Variants in TROAP observed in about 807,000 individuals in gnomAD.
The protein encoded by TROAP is trophinin associated protein, also known as tastin.
TROAP carries 62 observed loss-of-function variants against 83.4 expected under a neutral mutation model. The observed-to-expected ratio is 0.74, with a 90% CI of 0.61 to 0.92. The LOEUF is 0.92. TROAP is among the 40% of genes least tolerant of loss of function. The pLI is 0.00. For synonymous variants in TROAP, 352 were observed against 386.4 expected (o/e 0.91, Z 1.04); for missense variants, 876 against 985.1 (o/e 0.89, Z 1.48).
In TROAP at chr12:49,329,854, C is replaced by T. The variant is rs1943551500; in HGVS notation, c.1165-3C>T. 6.8e-6 allele frequency: 11 copies of T among 1,613,548 alleles called. No homozygotes were observed. Among genetic ancestry groups the T allele is most frequent in the Non-Finnish European group, 8.5e-6 (10 of 1,179,732 alleles). On this transcript the variant is annotated splice_region_variant and splice_polypyrimidine_tract_variant and intron_variant, in intron 11 of 14. Coordinates refer to ENST00000257909, the MANE Select transcript of TROAP (RefSeq NM_005480.4). The surrounding 1 kb of genome is among the most constrained non-coding windows in gnomAD (Gnocchi z 4.5). The stretch of plus-strand genomic sequence containing the variant: ...GCTTGTGTGCCTTGTTCCTTGGTGA[C>T]AGGAGCAGGTTGCCGTCCGGTTGTT...
rs1369621731 is a variant in TROAP at position 49,331,343 on chromosome 12, C to T, written c.2228C>T (p.Pro743Leu). 5 of 1,614,112 alleles carry T rather than the reference C, an allele frequency of 3.1e-6. No homozygotes were observed. The African/African-American group carries it at 5.3e-5, about 17-fold the overall frequency. ...GCCTTTTACACCAGCCGAGCCCCTC[C>T]CTCAGGCCCCACCCGGGTCTGCACC... Reference protein sequence around the residue: ...ECAFYTSRAPPSGPTRVCTNP... With the variant: ...ECAFYTSRAPLSGPTRVCTNP... Residue 743 changes from proline to leucine, a missense_variant, in exon 14 of 15, where the codon CCC (proline) becomes CTC (leucine). This residue lies in a region of TROAP where 184 missense variants were observed against 238.3 expected (regional missense o/e 0.77). Transcript: ENST00000257909.
rs756247742 is a variant in TROAP, at chr12:49,323,882, C to A, written c.182C>A (p.Pro61His). Reference sequence around the variant, plus strand: ...AAACCACCGCTCAATATTCAACGCCCCCTCGTTGATTCAGCAGGCCCCAGG... The same window carrying A: ...AAACCACCGCTCAATATTCAACGCCACCTCGTTGATTCAGCAGGCCCCAGG... ...VQKPPLNIQR[P>H]LVDSAGPRPK... The change falls in exon 3 of 15, where the codon CCC (proline) becomes CAC (histidine). Residue 61 changes from proline (P) to histidine (H), a missense_variant. Physicochemically the swap from Pro to His is moderately conservative, Grantham distance 77 (BLOSUM62 -2). Around this residue, in one of 3 missense-constraint regions of TROAP, gnomAD observed 689 missense variants for 722.6 expected, o/e 0.95. Transcript: ENST00000257909. The A allele has an allele frequency of 2.7e-5, 44 of 1,614,064 alleles. No individual in the cohort carries two copies. In the East Asian group the frequency reaches 9.1e-4, roughly 34 times the overall value.
At chr12:49,323,501 T>A (rs557300037) in intron 1 of TROAP, 103 bp from the exon 2 acceptor site, 31 of 1,476,662 alleles carry the variant, frequency 2.1e-5, no homozygotes, top group Non-Finnish European at 2.7e-5. Flanking sequence ...TGTGGGCGCG[T>A]GGATTAGGGC....
At position 49,323,286 on chromosome 12, in the gene TROAP, A is replaced by G. The variant is rs1338347173; in HGVS notation, c.-69A>G. On this transcript the variant is annotated 5_prime_UTR_variant, in exon 1 of 15. Coordinates refer to ENST00000257909, the MANE Select transcript of TROAP (RefSeq NM_005480.4). ...TACAAACTGAGAAAGTAGCTCCAGC[A>G]GCACCCGAGAGGGTCAGGAGAAAAG... 7.2e-6 allele frequency: 2 copies of G among 276,984 alleles called. No homozygotes were observed. The highest frequency in any genetic ancestry group is 4.9e-5 in the Admixed American group (1 of 20,552). The allele number at this position is 276,984 out of a possible 1,614,324, so 17.2% of individuals were successfully genotyped here. A position where few individuals can be genotyped will look rare whatever the true frequency, so the allele number is the denominator to read the frequency against.
Position 49,330,518 on chromosome 12 carries a change from C to A in TROAP, c.1673C>A (p.Ser558Tyr), listed in dbSNP as rs995308195. 6 of 1,613,504 alleles carry A rather than the reference C, an allele frequency of 3.7e-6. No homozygotes were observed. In the African/African-American group the frequency reaches 8.0e-5, roughly 22 times the overall value. Residue 558 changes from serine to tyrosine, a missense_variant, in exon 13 of 15, where the codon TCC becomes TAC. This residue lies in a region of TROAP where 689 missense variants were observed against 722.6 expected (regional missense o/e 0.95). Transcript: ENST00000257909. The part of the protein sequence containing the change: ...YPPAEPRPLE[S>Y]CCRSEPEIPE... ...CCAGCAGAACCCAGGCCCCTAGAGTCCTGCTGTAGGAGTGAGCCTGAGATA... is the reference window on the plus strand; with the variant it reads ...CCAGCAGAACCCAGGCCCCTAGAGTACTGCTGTAGGAGTGAGCCTGAGATA...
chr12:49,330,358 C>G lies in TROAP; in HGVS notation c.1513C>G (p.Leu505Val). ...ACACTCAGGGCTGCCAAAGCCCTGT[C>G]TTCCAGAGGAGTGCGGGGAACCACA... is the stretch of plus-strand genomic sequence containing the variant. Reference protein sequence around the residue: ...LKHSGLPKPCLPEECGEPQPC... With the variant: ...LKHSGLPKPCVPEECGEPQPC... Residue 505 changes from leucine (L) to valine (V), a missense_variant, in exon 13 of 15, where the codon CTT becomes GTT. Physicochemically the swap from Leu to Val is conservative, Grantham distance 32. This residue lies in a region of TROAP where 689 missense variants were observed against 722.6 expected (regional missense o/e 0.95). Coordinates refer to ENST00000257909, the MANE Select transcript of TROAP (RefSeq NM_005480.4). The G allele has an allele frequency of 3.1e-6, 5 of 1,614,194 alleles. No homozygotes were observed. Among genetic ancestry groups the G allele is most frequent in the Non-Finnish European group, 4.2e-6 (5 of 1,180,012 alleles).
Position 49,330,298 on chromosome 12 carries a change from A to C in TROAP, c.1453A>C (p.Asn485His), listed in dbSNP as rs1380513824. ...ISRTLNATEH[N>H]SGTSHLPGLL... ...TAGAACTCTGAATGCCACAGAGCAT[A>C]ACTCTGGGACTTCCCACCTTCCTGG... Residue 485 changes from asparagine to histidine, a missense_variant, in exon 13 of 15, where the codon AAC becomes CAC. Physicochemically the swap from Asn to His is moderately conservative, Grantham distance 68. Coordinates refer to ENST00000257909, the MANE Select transcript of TROAP (RefSeq NM_005480.4). The C allele has an allele frequency of 1.2e-5, 20 of 1,611,914 alleles. No individual in the cohort carries two copies. The highest frequency in any genetic ancestry group is 1.6e-5 in the Non-Finnish European group (19 of 1,179,992).
rs1230874935 is a variant in TROAP at position 49,326,151 on chromosome 12, A to C, written c.709A>C (p.Ser237Arg). Residue 237 changes from serine to arginine, a missense_variant, in exon 6 of 15, where the codon AGC (serine) becomes CGC (arginine). Transcript: ENST00000257909. ...GGAGCTAAGAAGGGAGACAGCTGGC[A>C]GCAGCCGGTGAGAAAGGAGAGGGTG... ...FQELRRETAG[S>R]SRTSVSQASG... The C allele has an allele frequency of 1.9e-6, 3 of 1,613,978 alleles. No individual in the cohort carries two copies. The East Asian group carries it at 6.7e-5, about 36-fold the overall frequency.
chr12:49,328,911 T>C lies in TROAP; in HGVS notation c.892-16T>C. 1 of 1,521,620 alleles carries C rather than the reference T, an allele frequency of 6.6e-7. No individual in the cohort carries two copies. Among genetic ancestry groups the C allele is most frequent in the Non-Finnish European group, 8.8e-7 (1 of 1,134,410 alleles). The allele number at this position is 1,521,620 out of a possible 1,614,324, so 94.3% of individuals were successfully genotyped here. On this transcript the variant is annotated splice_polypyrimidine_tract_variant and intron_variant, in intron 8 of 14. Transcript: ENST00000257909. ...AGGGGGCGGGGATCACTCTTCCACCTTTTTCTTCTTCACAGGACAGCCATG... is the reference window on the plus strand; with the variant it reads ...AGGGGGCGGGGATCACTCTTCCACCCTTTTCTTCTTCACAGGACAGCCATG...
Position 49,330,898 on chromosome 12 carries a change from C to T in TROAP, c.2053C>T (p.Pro685Ser), listed in dbSNP as rs767388635. 1 of 1,612,758 alleles carries T rather than the reference C, an allele frequency of 6.2e-7. No homozygotes were observed. The highest frequency in any genetic ancestry group is 1.7e-5 in the Admixed American group (1 of 60,028). Residue 685 changes from proline (P) to serine (S), a missense_variant, in exon 13 of 15, where the codon CCT becomes TCT. This residue lies in a region of TROAP where 184 missense variants were observed against 238.3 expected (regional missense o/e 0.77). Coordinates refer to ENST00000257909, the MANE Select transcript of TROAP (RefSeq NM_005480.4). ...SSQHPLCASP[P>S]ICSLQSLRPP... ...CCAACACCCGCTTTGTGCCAGCCCC[C>T]CTATCTGCTCACTCCAGTCTTTGAG...
intron 14 of TROAP, 62 bp downstream of exon 14, chr12:49,331,469 C>T (rs1438458434): frequency 3.1e-6 from 5 of 1,608,762 alleles, no homozygotes; most frequent in Non-Finnish European, 4.2e-6. Flanking sequence ...AGGTGGGGAA[C>T]AGGGACAGGG....
At chr12:49,328,783 G>A in intron 8 of TROAP, 144 bp from the exon 9 acceptor site, 3 of 1,167,452 alleles carry the variant, frequency 2.6e-6, no homozygotes, top group East Asian at 5.3e-5. Flanking sequence ...AGAATGGTGT[G>A]AACCCGGGAT....
Position 49,330,545 on chromosome 12 carries a change from C to T in TROAP, c.1700C>T (p.Pro567Leu), listed in dbSNP as rs557988997. ...ESCCRSEPEI[P>L]ESSRQEQLEV... ...TGCTGTAGGAGTGAGCCTGAGATACCGGAGTCCTCTCGCCAGGAACAGCTT... is the reference window on the plus strand; with the variant it reads ...TGCTGTAGGAGTGAGCCTGAGATACTGGAGTCCTCTCGCCAGGAACAGCTT... Residue 567 changes from proline (P) to leucine (L), a missense_variant, in exon 13 of 15, where the codon CCG becomes CTG. Around this residue, in one of 3 missense-constraint regions of TROAP, gnomAD observed 689 missense variants for 722.6 expected, o/e 0.95. Transcript: ENST00000257909. 45 of 1,613,618 alleles carry T rather than the reference C, an allele frequency of 2.8e-5. No homozygotes were observed. The East Asian group carries it at 7.4e-4, about 26-fold the overall frequency.
At position 49,323,603 on chromosome 12, in the gene TROAP, G is replaced by A. The variant is rs1442288516; in HGVS notation, c.-5-1G>A. 1 of 1,613,532 alleles carries A rather than the reference G, an allele frequency of 6.2e-7. No individual in the cohort carries two copies. On this transcript the variant is annotated splice_acceptor_variant, in intron 1 of 14. Coordinates refer to ENST00000257909, the MANE Select transcript of TROAP (RefSeq NM_005480.4). LOFTEE classifies it low-confidence loss of function (5UTR_SPLICE). Reference sequence around the variant, plus strand: ...TGCCTTCTTCCCCGTCTCAATTGTAGCCATCATGACCACCCGGCAAGCCAC... The same window carrying A: ...TGCCTTCTTCCCCGTCTCAATTGTAACCATCATGACCACCCGGCAAGCCAC...
At chr12:49,324,335 C>A in intron 3 of TROAP, 1 of 647,376 alleles carries the variant, frequency 1.5e-6, no homozygotes, top group Non-Finnish European at 2.7e-6. Flanking sequence ...AGGGAGATCC[C>A]ATCTCTTTAA....
intron 12 of TROAP, 74 bp from the exon 13 acceptor site, chr12:49,330,071 A>G (rs948562019): frequency 8.7e-6 from 14 of 1,605,466 alleles, no homozygotes; most frequent in Non-Finnish European, 1.1e-5. Flanking sequence ...ATGGGGGATC[A>G]GGAATAGGAC....
Position 49,329,613 on chromosome 12 carries a change from C to A in TROAP, c.1164+159C>A. On this transcript the variant is annotated intron_variant, in intron 11 of 14. Coordinates refer to ENST00000257909, the MANE Select transcript of TROAP (RefSeq NM_005480.4). The surrounding 1 kb of genome is among the most constrained non-coding windows in gnomAD (Gnocchi z 4.5). ...GGCTGAGGTAGGAGGATTGCTTGAGCTCAGATCTTTGAGACCAGCCTGGGC... is the reference window on the plus strand; with the variant it reads ...GGCTGAGGTAGGAGGATTGCTTGAGATCAGATCTTTGAGACCAGCCTGGGC... The A allele has an allele frequency of 9.7e-7, 1 of 1,034,668 alleles. No homozygotes were observed. Among genetic ancestry groups the A allele is most frequent in the Non-Finnish European group, 1.4e-6 (1 of 711,224 alleles). 64.1% of individuals were successfully genotyped at this position (1,034,668 alleles called of 1,614,324 possible). A position where few individuals can be genotyped will look rare whatever the true frequency, so the allele number is the denominator to read the frequency against.
rs1414701817 is a variant in TROAP at position 49,327,274 on chromosome 12, C to T, written c.835C>T (p.Leu279Phe). 1 of 1,614,080 alleles carries T rather than the reference C, an allele frequency of 6.2e-7. No individual in the cohort carries two copies. The highest frequency in any genetic ancestry group is 8.5e-7 in the Non-Finnish European group (1 of 1,180,032). ...CTCAGATGAAGGAGGTGTGGCCTCT[C>T]TTGGTCTGGCCCAGCGAGTACCATT... is the stretch of plus-strand genomic sequence containing the variant. Reference protein sequence around the residue: ...THSDEGGVASLGLAQRVPLRE... With the variant: ...THSDEGGVASFGLAQRVPLRE... Residue 279 changes from leucine to phenylalanine, a missense_variant, in exon 8 of 15, where the codon CTT (leucine) becomes TTT (phenylalanine). By Grantham distance (22) the Leu-to-Phe change is conservative. Around this residue, in one of 3 missense-constraint regions of TROAP, gnomAD observed 689 missense variants for 722.6 expected, o/e 0.95. Coordinates refer to ENST00000257909, the MANE Select transcript of TROAP (RefSeq NM_005480.4).
In TROAP at chr12:49,324,909, C is replaced by CT. The variant is rs891098022; in HGVS notation, c.338-572dup. On this transcript the variant is annotated intron_variant, in intron 3 of 14. Coordinates refer to ENST00000257909, the MANE Select transcript of TROAP (RefSeq NM_005480.4). Reference sequence around the variant, plus strand: ...CACCCAGCTAATTTTTGTTTTCTTTCTTTTTTTTTTTTTTTTTTTTGAGAC... The same window carrying CT: ...CACCCAGCTAATTTTTGTTTTCTTTCTTTTTTTTTTTTTTTTTTTTTGAGAC... Among the ~76,000 whole-genome samples, 1,050 of 112,516 alleles carry CT rather than the reference C, an allele frequency of 9.3e-3. 16 individuals carry two copies. Among genetic ancestry groups the CT allele is most frequent in the African/African-American group, 0.017 (488 of 28,406 alleles). The allele number at this position is 112,516 out of a possible 152,430, so 73.8% of individuals were successfully genotyped here.
Sources: gnomAD v4.1 joint callset for allele counts (sites outside exome capture counted in the v4.1 genomes callset) on GRCh38, gnomAD v4.1.1 for gene constraint, gnomAD v4.1.1 regional missense constraint, Gnocchi (gnomAD v3.1) non-coding constraint, MANE v1.5 for transcripts, NCBI Gene and HGNC (gene_info 2026-07-23, HGNC 2026-07-21) for gene names.